The following GRIK2 variants were observed in gnomAD, a reference collection of about 807,000 sequenced individuals.
The protein encoded by GRIK2 is glutamate ionotropic receptor kainate type subunit 2.
In GRIK2, 32 loss-of-function variants were observed where a neutral mutation model predicts 100.3. The observed-to-expected ratio is 0.32, with a 90% CI of 0.24 to 0.43. The LOEUF (loss-of-function observed/expected upper bound fraction) is 0.43, where lower values mean the gene tolerates loss of function less well. GRIK2 is among the 20% of genes least tolerant of loss of function. The pLI is 1.00. For missense variants in GRIK2, 843 were observed against 1,114.9 expected (o/e 0.76, Z 3.47); for synonymous variants, 417 against 389.4 (o/e 1.07, Z -0.83).
chr6:101,715,725 A>G (rs1774018502), intron 7 of GRIK2, among the ~76,000 whole-genome samples: 1 of 151,766 alleles, frequency 6.6e-6, no homozygotes, highest in South Asian at 2.1e-4. Flanking sequence ...CAAGTGAAGG[A>G]AGGAAAGTGG....
intron 10 of GRIK2, among the ~76,000 whole-genome samples, chr6:101,820,663 C>T (rs1781900439): frequency 1.3e-5 from 2 of 152,130 alleles, no homozygotes; most frequent in African/African-American, 2.4e-5. Flanking sequence ...AGGATGGTCT[C>T]GATCTCTTGA....
At chr6:101,787,664 A>G (rs558853917) in intron 7 of GRIK2, among the ~76,000 whole-genome samples, 12 of 152,152 alleles carry the variant, frequency 7.9e-5, no homozygotes, top group Admixed American at 7.9e-4. Flanking sequence ...GTCTGATAAG[A>G]TATTTGACTT....
intron 7 of GRIK2, among the ~76,000 whole-genome samples, chr6:101,795,254 C>T (rs554191361): frequency 8.2e-4 from 125 of 152,086 alleles, no homozygotes; most frequent in Non-Finnish European, 1.5e-3. Context: ...GGGGCACTTT[C>T]GCTTTGATTA....
At chr6:101,800,187 C>T (rs545278320) in intron 8 of GRIK2, among the ~76,000 whole-genome samples, 142 of 151,860 alleles carry the variant, frequency 9.4e-4, no homozygotes, top group African/African-American at 3.3e-3. Context: ...ATTAATTGTT[C>T]CTAAATATGT....
chr6:101,642,331 C>A (rs1781311602), intron 4 of GRIK2, among the ~76,000 whole-genome samples: 1 of 151,708 alleles, frequency 6.6e-6, no homozygotes, highest in Non-Finnish European at 1.5e-5. Flanking sequence ...TGTAGTGCAA[C>A]CAATCTCCAG....
Position 101,660,914 on chromosome 6 carries a change from C to T in GRIK2, c.542-15709C>T, listed in dbSNP as rs149097309. Among the ~76,000 whole-genome samples, 68 of 152,180 alleles carry T rather than the reference C, an allele frequency of 4.5e-4. No homozygotes were observed. The East Asian group carries it at 0.012, about 27-fold the overall frequency. ...TCTCCTGTATGAGGTGTCTGTTGAC[C>T]GCTGCTGGGAGGTGTCTCCCAGTCA... On this transcript the variant is annotated intron_variant, in intron 4 of 16. Coordinates refer to ENST00000369134, the MANE Select transcript of GRIK2 (RefSeq NM_021956.5).
chr6:101,948,730 C>T (rs972347998), intron 14 of GRIK2, among the ~76,000 whole-genome samples: 1 of 151,918 alleles, frequency 6.6e-6, no homozygotes, highest in African/African-American at 2.4e-5. Context: ...CTGCCTCAGC[C>T]TCCCAAAGCG....
chr6:101,978,818 A>C (rs1296812612), intron 14 of GRIK2, among the ~76,000 whole-genome samples: 2 of 152,060 alleles, frequency 1.3e-5, no homozygotes, highest in East Asian at 3.9e-4. Context: ...GTATTTATTT[A>C]CTAACAATAA....
At chr6:101,826,058 C>A (rs899294148) in intron 10 of GRIK2, among the ~76,000 whole-genome samples, 6 of 152,050 alleles carry the variant, frequency 3.9e-5, no homozygotes, top group Non-Finnish European at 8.8e-5. Context: ...GATTCCAGTA[C>A]CTTTCTATTC....
intron 14 of GRIK2, among the ~76,000 whole-genome samples, chr6:101,978,748 T>C (rs1793547417): frequency 6.6e-6 from 1 of 152,010 alleles, no homozygotes; most frequent in Non-Finnish European, 1.5e-5. Context: ...TTATAAAAGC[T>C]ATGTATATAA....
chr6:101,492,516 T>C (rs1439058835), intron 2 of GRIK2, among the ~76,000 whole-genome samples: 1 of 151,956 alleles, frequency 6.6e-6, no homozygotes, highest in African/African-American at 2.4e-5. Context: ...ATTAATGTTA[T>C]TATTCTTTTG....
intron 2 of GRIK2, among the ~76,000 whole-genome samples, chr6:101,458,276 A>G (rs1582495510): frequency 6.6e-6 from 1 of 152,158 alleles, no homozygotes; most frequent in East Asian, 1.9e-4. Flanking sequence ...ATTTTATGCA[A>G]CTGACTTATT....
At position 101,969,336 on chromosome 6, in the gene GRIK2, A is replaced by G. The variant is rs115195480; in HGVS notation, c.2085+40704A>G. 5.3e-3 allele frequency among the ~76,000 whole-genome samples: 813 copies of G among 152,114 alleles called. 11 individuals are homozygous for G. Among genetic ancestry groups the G allele is most frequent in the African/African-American group, 0.019 (782 of 41,554 alleles). ...TTATGTTTATGCATTTTTTAGTTCA[A>G]TGATAAAATATTTGAATTTGTATAG... On this transcript the variant is annotated intron_variant, in intron 14 of 16. Coordinates refer to ENST00000369134, the MANE Select transcript of GRIK2 (RefSeq NM_021956.5).
intron 14 of GRIK2, among the ~76,000 whole-genome samples, chr6:101,951,714 C>A (rs1021743459): frequency 1.3e-5 from 2 of 152,128 alleles, no homozygotes; most frequent in African/African-American, 4.8e-5. Flanking sequence ...CTCATGAGAT[C>A]TGATGATTTT....
chr6:101,426,992 A>T (rs1234277748), intron 2 of GRIK2, among the ~76,000 whole-genome samples: 1 of 152,180 alleles, frequency 6.6e-6, no homozygotes, highest in African/African-American at 2.4e-5. Context: ...AAGCACAGAC[A>T]CATATCCCAA....
intron 2 of GRIK2, among the ~76,000 whole-genome samples, chr6:101,479,042 A>C (rs1028105308): frequency 7.9e-5 from 12 of 152,118 alleles, no homozygotes; most frequent in African/African-American, 2.9e-4. Flanking sequence ...AAACAAACCA[A>C]AAAAATGTGT....
intron 2 of GRIK2, among the ~76,000 whole-genome samples, chr6:101,453,144 C>T (rs1270880138): frequency 2.0e-5 from 3 of 151,852 alleles, no homozygotes; most frequent in African/African-American, 2.4e-5. Context: ...TATTATTCAA[C>T]TGTATCCTGC....
intron 14 of GRIK2, among the ~76,000 whole-genome samples, chr6:101,985,587 G>A (rs937383112): frequency 3.3e-5 from 5 of 151,672 alleles, no homozygotes; most frequent in African/African-American, 1.2e-4. Flanking sequence ...CCATAAACGA[G>A]GCTCATCCTT....
chr6:102,050,093 GT>G (rs1445460451), intron 15 of GRIK2, among the ~76,000 whole-genome samples: 1 of 152,108 alleles, frequency 6.6e-6, no homozygotes, highest in Non-Finnish European at 1.5e-5. Flanking sequence ...AGAGAAAAAT[GT>G]TGGCATGTAA....
Sources: gnomAD v4.1 joint callset for allele counts (sites outside exome capture counted in the v4.1 genomes callset) on GRCh38, gnomAD v4.1.1 for gene constraint, MANE v1.5 for transcripts, NCBI Gene and HGNC (gene_info 2026-07-23, HGNC 2026-07-21) for gene names.